The following BAG4 variants were observed in gnomAD, a reference collection of about 807,000 sequenced individuals.
The protein encoded by BAG4 is BAG cochaperone 4.
In BAG4, 28 loss-of-function variants were observed where a neutral mutation model predicts 52.1. The ratio of observed to expected loss-of-function variants is 0.54; its 90% confidence interval spans 0.40 to 0.74. BAG4 has a LOEUF of 0.74. BAG4 is among the 30% of genes least tolerant of loss of function. The probability of loss-of-function intolerance (pLI) is 0.00; values close to 1 mark genes in which losing one functional copy is unlikely to be tolerated. For synonymous variants in BAG4, 208 were observed against 217.0 expected (o/e 0.96, Z 0.37); for missense variants, 525 against 572.0 (o/e 0.92, Z 0.84).
chr8:38,180,523 A>AAAAAAAAAAAAAAAC (rs1803246567), intron 1 of BAG4, among the ~76,000 whole-genome samples: 1 of 121,732 alleles, frequency 8.2e-6, no homozygotes, highest in Non-Finnish European at 1.7e-5. Flanking sequence ...ACTCCGTCTC[A>AAAAAAAAAAAAAAAC]AAAAAAAAAA....
chr8:38,207,568 G>C lies in BAG4; in HGVS notation c.435G>C (p.Gly145=), dbSNP rs773524151. The C allele has an allele frequency of 1.9e-6, 3 of 1,613,744 alleles. No individual in the cohort carries two copies. The highest frequency in any genetic ancestry group is 2.5e-6 in the Non-Finnish European group (3 of 1,179,844). The change falls in exon 3 of 5, where the codon GGG becomes GGC. Residue 145 remains glycine (G), a synonymous_variant. Transcript: ENST00000287322. ...AYGPTYPPGP[G]ANTASYSGAY... The stretch of plus-strand genomic sequence containing the variant: ...GTCCAACATACCCCCCAGGCCCTGG[G>C]GCAAATACTGCCTCATACTCAGGGG...
intron 2 of BAG4, among the ~76,000 whole-genome samples, chr8:38,202,463 C>T (rs1038152844): frequency 6.6e-6 from 1 of 151,966 alleles, no homozygotes; most frequent in African/African-American, 2.4e-5. Flanking sequence ...AGGGGGTTGC[C>T]CCCGCTTATC....
intron 2 of BAG4, among the ~76,000 whole-genome samples, chr8:38,200,562 T>C (rs1585662822): frequency 6.6e-6 from 1 of 152,206 alleles, no homozygotes; most frequent in African/African-American, 2.4e-5. Flanking sequence ...AGGATCAGCT[T>C]TTCAACTTAT....
At chr8:38,205,819 C>T (rs1390505217) in intron 2 of BAG4, among the ~76,000 whole-genome samples, 3 of 151,788 alleles carry the variant, frequency 2.0e-5, no homozygotes, top group Admixed American at 6.6e-5. Flanking sequence ...AAACTGGATT[C>T]TGTGTTTTCA....
intron 2 of BAG4, among the ~76,000 whole-genome samples, chr8:38,197,602 G>T (rs1338844577): frequency 6.6e-6 from 1 of 152,118 alleles, no homozygotes; most frequent in Non-Finnish European, 1.5e-5. Flanking sequence ...CACTATTGTA[G>T]GCTTTATAAG....
intron 1 of BAG4, among the ~76,000 whole-genome samples, chr8:38,186,331 A>G (rs928711641): frequency 6.6e-6 from 1 of 152,170 alleles, no homozygotes; most frequent in Non-Finnish European, 1.5e-5. Flanking sequence ...GATGCCATTC[A>G]GATAAACACA....
rs762370493 is a variant in BAG4 at position 38,207,558 on chromosome 8, C to G, written c.425C>G (p.Pro142Arg). 61 of 1,613,860 alleles carry G rather than the reference C, an allele frequency of 3.8e-5. No homozygotes were observed. In the South Asian group the frequency reaches 6.5e-4, roughly 17 times the overall value. Residue 142 changes from proline to arginine, a missense_variant, in exon 3 of 5, where the codon CCA becomes CGA. Physicochemically the swap from Pro to Arg is moderately radical, Grantham distance 103 (BLOSUM62 -2). Transcript: ENST00000287322. The part of the protein sequence containing the change: ...TNGAYGPTYP[P>R]GPGANTASYS... Reference sequence around the variant, plus strand: ...GGAGCGTATGGTCCAACATACCCCCCAGGCCCTGGGGCAAATACTGCCTCA... The same window carrying G: ...GGAGCGTATGGTCCAACATACCCCCGAGGCCCTGGGGCAAATACTGCCTCA...
chr8:38,204,730 A>C (rs929457160), intron 2 of BAG4, among the ~76,000 whole-genome samples: 52 of 152,250 alleles, frequency 3.4e-4, no homozygotes, highest in African/African-American at 1.2e-3. Context: ...AGCAATGAGA[A>C]TCACACACTA....
chr8:38,208,169 G>T (rs1803806056), intron 3 of BAG4, among the ~76,000 whole-genome samples: 1 of 151,530 alleles, frequency 6.6e-6, no homozygotes, highest in Non-Finnish European at 1.5e-5. Flanking sequence ...TAGAGATGGG[G>T]TTTCACCATG....
rs771126812 is a variant in BAG4 at position 38,212,915 on chromosome 8, CCTT to C, written c.*2425_*2427del. ...ATGGTGATTTTCTATTTCTCTCAAT[CCTT>C]CTACATTTATTATTGGAATTCTTCT... On this transcript the variant is annotated 3_prime_UTR_variant, in exon 5 of 5. Transcript: ENST00000287322. 9 of 152,154 alleles carry C rather than the reference CCTT, an allele frequency of 5.9e-5. No homozygotes were observed. The highest frequency in any genetic ancestry group is 1.2e-4 in the Non-Finnish European group (8 of 68,024). The allele number at this position is 152,154 out of a possible 1,614,324, so 9.4% of individuals were successfully genotyped here.
intron 1 of BAG4, among the ~76,000 whole-genome samples, chr8:38,180,253 T>G (rs1026760038): frequency 1.3e-5 from 2 of 152,074 alleles, no homozygotes; most frequent in East Asian, 3.9e-4. Context: ...CCGGGCGTGG[T>G]GGCTCACGCC....
At position 38,210,022 on chromosome 8, in the gene BAG4, C is replaced by T. The variant is rs766565580; in HGVS notation, c.903C>T (p.Pro301=). The stretch of plus-strand genomic sequence containing the variant: ...CCCACTCCAAGGATTCTTCATACCC[C>T]TATAGCCAATCAGATCAAAGCATGA... ...PVQQPKDSSY[P]YSQSDQSMNR... The change falls in exon 5 of 5, where the codon CCC becomes CCT. Residue 301 remains proline, a synonymous_variant. Coordinates refer to ENST00000287322, the MANE Select transcript of BAG4 (RefSeq NM_004874.4). The T allele has an allele frequency of 1.9e-6, 3 of 1,614,096 alleles. No individual in the cohort carries two copies. Among genetic ancestry groups the T allele is most frequent in the South Asian group, 1.1e-5 (1 of 91,074 alleles).
intron 1 of BAG4, among the ~76,000 whole-genome samples, chr8:38,186,241 C>A (rs1803364915): frequency 6.6e-6 from 1 of 152,082 alleles, no homozygotes; most frequent in Non-Finnish European, 1.5e-5. Context: ...GCTCTGATCT[C>A]CTTTACCCTT....
chr8:38,177,043 G>T lies in BAG4; in HGVS notation c.174G>T (p.Ala58=). ...GGCGGGTGCGCGGGGGCGGCCCGGCGGAGACCACCTGGCTGGGAGAAGGCG... is the reference window on the plus strand; with the variant it reads ...GGCGGGTGCGCGGGGGCGGCCCGGCTGAGACCACCTGGCTGGGAGAAGGCG... The part of the protein sequence containing the change: ...ISWRVRGGGP[A]ETTWLGEGGG... Residue 58 remains alanine (A), a synonymous_variant, in exon 1 of 5, where the codon GCG becomes GCT. Transcript: ENST00000287322. 1 of 1,607,400 alleles carries T rather than the reference G, an allele frequency of 6.2e-7. No individual in the cohort carries two copies. The highest frequency in any genetic ancestry group is 8.5e-7 in the Non-Finnish European group (1 of 1,177,356).
rs74813225 is a variant in BAG4 at position 38,183,556 on chromosome 8, G to A, written c.270+6417G>A. Among the ~76,000 whole-genome samples, 306 of 152,160 alleles carry A rather than the reference G, an allele frequency of 2.0e-3. 8 individuals carry two copies. The East Asian group carries it at 0.048, about 24-fold the overall frequency. On this transcript the variant is annotated intron_variant, in intron 1 of 4. Transcript: ENST00000287322. The stretch of plus-strand genomic sequence containing the variant: ...AAAGCATAAGGACACTTTTTTCCTT[G>A]CATCTGTACTGGAAACCTTAGCAGC...
At chr8:38,188,218 CAA>C (rs1327476173) in intron 1 of BAG4, among the ~76,000 whole-genome samples, 1 of 149,900 alleles carries the variant, frequency 6.7e-6, no homozygotes, top group East Asian at 2.0e-4. Flanking sequence ...ATATAAAAAA[CAA>C]AAAGTAAAAA....
intron 2 of BAG4, among the ~76,000 whole-genome samples, chr8:38,199,526 C>CTTTTTTTTTT (rs148882011): frequency 7.1e-6 from 1 of 141,520 alleles, no homozygotes; most frequent in Non-Finnish European, 1.5e-5. Context: ...CCTGTGATTT[C>CTTTTTTTTTT]TTTTTTTTTT....
chr8:38,199,370 T>C (rs1803620188), intron 2 of BAG4, among the ~76,000 whole-genome samples: 1 of 152,214 alleles, frequency 6.6e-6, no homozygotes, highest in South Asian at 2.1e-4. Context: ...GTGGGTTGGC[T>C]TTTCACACTC....
chr8:38,183,309 A>G (rs1401268033), intron 1 of BAG4, among the ~76,000 whole-genome samples: 1 of 152,026 alleles, frequency 6.6e-6, no homozygotes, highest in Non-Finnish European at 1.5e-5. Flanking sequence ...AGCCTCCCAC[A>G]GTTCTGGGAT....
Sources: allele counts gnomAD v4.1 joint callset (sites outside exome capture counted in the v4.1 genomes callset), GRCh38; gene constraint gnomAD v4.1.1; transcripts MANE v1.5; gene names NCBI Gene and HGNC (gene_info 2026-07-23, HGNC 2026-07-21).